NFASC: variants seen among roughly 807,000 people sequenced by gnomAD.
NFASC encodes the protein neurofascin homolog.
NFASC carries 43 observed loss-of-function variants against 147.5 expected under a neutral mutation model. That is an observed-to-expected ratio of 0.29 (90% confidence interval 0.23 to 0.38). The LOEUF (loss-of-function observed/expected upper bound fraction) is 0.38, where lower values mean the gene tolerates loss of function less well. Ranked by LOEUF, NFASC falls within the 10% of genes least tolerant of loss-of-function variation. NFASC has a pLI of 1.00. For synonymous variants in NFASC, 622 were observed against 665.5 expected, an observed-to-expected ratio of 0.93 and a Z score of 1.01; for missense variants, 1,320 against 1,689.0, an observed-to-expected ratio of 0.78 and a Z score of 3.83.
At chr1:204,871,888 C>G (rs569138516) in intron 1 of NFASC, among the ~76,000 whole-genome samples, 215 of 152,280 alleles carry the variant, frequency 1.4e-3, no homozygotes, top group Non-Finnish European at 2.4e-3. Flanking sequence ...TCTTTCATGT[C>G]AAGACAGCTC....
At position 205,015,008 on chromosome 1, in the gene NFASC, A is replaced by T. The variant is rs1166765980; in HGVS notation, c.3492-1300A>T. On this transcript the variant is annotated intron_variant, in intron 29 of 29. Coordinates refer to ENST00000339876, the MANE Select transcript of NFASC (RefSeq NM_001005388.3). The surrounding 1 kb of genome is among the most constrained non-coding windows in gnomAD (Gnocchi z 4.0). The stretch of plus-strand genomic sequence containing the variant: ...CAACCCACGGCTGTCCCACGAATAC[A>T]GTTAGGCTGTATTCGTGGGGCAGCA... Among the ~76,000 whole-genome samples the T allele has an allele frequency of 4.6e-5, 7 of 152,048 alleles. No homozygotes were observed. Among genetic ancestry groups the T allele is most frequent in the Non-Finnish European group, 1.0e-4 (7 of 67,990 alleles).
chr1:204,982,836 G>A (rs543564429), intron 21 of NFASC, among the ~76,000 whole-genome samples: 1 of 152,286 alleles, frequency 6.6e-6, no homozygotes, highest in East Asian at 1.9e-4. Flanking sequence ...CAGAAGGAAG[G>A]GAGGAGGGAC....
chr1:205,012,223 A>G (rs1452154418), intron 28 of NFASC, among the ~76,000 whole-genome samples: 2 of 152,218 alleles, frequency 1.3e-5, no homozygotes, highest in Non-Finnish European at 2.9e-5. Context: ...ATGCTCACAC[A>G]TCACAGAGGA....
At chr1:204,947,564 C>T (rs922931248) in intron 3 of NFASC, among the ~76,000 whole-genome samples, 2 of 152,170 alleles carry the variant, frequency 1.3e-5, no homozygotes, top group Non-Finnish European at 2.9e-5. Context: ...GCCCAGCCTC[C>T]AGCTCCCACT....
rs61819421 is a variant in NFASC, at chr1:204,890,669, C to A, written c.-199-29963C>A. Among the ~76,000 whole-genome samples, 1,034 of 151,904 alleles carry A rather than the reference C, an allele frequency of 6.8e-3. 7 individuals are homozygous for A. The highest frequency in any genetic ancestry group is 0.045 in the Middle Eastern group (13 of 292). On this transcript the variant is annotated intron_variant, in intron 1 of 29. Transcript: ENST00000339876. ...ACTGCAACCTCTGCCTCCCAGGTCC[C>A]AGCTATTCTCCTGCCTCAGCCTCCC... is the stretch of plus-strand genomic sequence containing the variant.
rs1361803756 is a variant in NFASC, at chr1:204,944,207, C to T, written c.-90-19C>T. ...CAAGTTCATGAAAAACTCACTTGCT[C>T]TTATGTTTCTTTCCACAGCTGAGTG... On this transcript the variant is annotated intron_variant, in intron 2 of 29. Transcript: ENST00000339876. 2.3e-5 allele frequency: 35 copies of T among 1,545,002 alleles called. No individual in the cohort carries two copies. The Admixed American group carries it at 6.9e-4, about 30-fold the overall frequency.
At position 204,877,048 on chromosome 1, in the gene NFASC, TAATATATTTATTTA is replaced by T. The variant is rs1558549758; in HGVS notation, c.-199-43583_-199-43570del. 0.015 allele frequency among the ~76,000 whole-genome samples: 1,500 copies of T among 97,508 alleles called. 142 individuals are homozygous for T. In the East Asian group the frequency reaches 0.21, roughly 13 times the overall value. 64.0% of individuals were successfully genotyped at this position (97,508 alleles called of 152,430 possible). A position where few individuals can be genotyped will look rare whatever the true frequency, so the allele number is the denominator to read the frequency against. ...TATATAATATATATTTATATATATA[TAATATATTTATTTA>T]TATATTTATATATATATAATATATT... On this transcript the variant is annotated intron_variant, in intron 1 of 29. Transcript: ENST00000339876.
At chr1:204,900,703 C>T (rs2084374983) in intron 1 of NFASC, among the ~76,000 whole-genome samples, 1 of 152,090 alleles carries the variant, frequency 6.6e-6, no homozygotes. Flanking sequence ...TTTGCAATTT[C>T]AGGTCAGGCA....
At chr1:204,864,554 C>T (rs2076966719) in intron 1 of NFASC, among the ~76,000 whole-genome samples, 1 of 152,180 alleles carries the variant, frequency 6.6e-6, no homozygotes, top group South Asian at 2.1e-4. Context: ...TTGATTATAG[C>T]CATCCTCTAC....
In NFASC at chr1:204,975,259, G is replaced by T; in HGVS notation, c.1559-12G>T. On this transcript the variant is annotated splice_polypyrimidine_tract_variant and intron_variant, in intron 14 of 29. Transcript: ENST00000339876. This position sits in a 1 kb window ranked among gnomAD's most constrained non-coding sequence, Gnocchi z 4.0. ...AACAGGCCAGTGGCGAGTGCTCTGG[G>T]CTTCTCCACAGACCCCACCAGGATC... 3 of 1,604,262 alleles carry T rather than the reference G, an allele frequency of 1.9e-6. No homozygotes were observed. Among genetic ancestry groups the T allele is most frequent in the Non-Finnish European group, 2.6e-6 (3 of 1,173,690 alleles).
chr1:204,989,524 T>C (rs1373953589), intron 23 of NFASC: 1 of 152,322 alleles, frequency 6.6e-6, no homozygotes, highest in East Asian at 1.9e-4. Flanking sequence ...CGCACTGGCA[T>C]CAGGGGAATG....
chr1:205,014,600 T>A (rs1049435495), intron 29 of NFASC, among the ~76,000 whole-genome samples: 2 of 151,968 alleles, frequency 1.3e-5, no homozygotes, highest in Non-Finnish European at 2.9e-5. Flanking sequence ...CCACCCCTAG[T>A]CATTCTAGTT....
At chr1:204,951,937 T>C in intron 4 of NFASC, 74 bp from the exon 5 acceptor site, 1 of 1,230,644 alleles carries the variant, frequency 8.1e-7, no homozygotes, top group South Asian at 1.3e-5. Context: ...AAGCTCTTCA[T>C]CTCAGCTGTT....
chr1:204,902,027 A>T (rs2149204687), intron 1 of NFASC, among the ~76,000 whole-genome samples: 1 of 152,318 alleles, frequency 6.6e-6, no homozygotes, highest in East Asian at 1.9e-4. Flanking sequence ...TCTAAAAAAA[A>T]AGAAGTGTGT....
At chr1:204,857,919 C>CTTTTTT (rs58996261) in intron 1 of NFASC, among the ~76,000 whole-genome samples, 3 of 122,582 alleles carry the variant, frequency 2.4e-5, no homozygotes, top group African/African-American at 6.6e-5. Context: ...TCTTCTTCTT[C>CTTTTTT]TTTTTTTTTT....
intron 1 of NFASC, among the ~76,000 whole-genome samples, chr1:204,879,113 C>T (rs903842637): frequency 6.6e-6 from 1 of 152,184 alleles, no homozygotes; most frequent in African/African-American, 2.4e-5. Context: ...CAAAACAAGT[C>T]TGTGGCCTCT....
At chr1:204,985,173 C>T (rs1455183726) in intron 21 of NFASC, among the ~76,000 whole-genome samples, 2 of 152,162 alleles carry the variant, frequency 1.3e-5, no homozygotes, top group Non-Finnish European at 2.9e-5. Context: ...GAGACACTGG[C>T]GTGGCCAACT....
intron 1 of NFASC, among the ~76,000 whole-genome samples, chr1:204,914,542 C>A (rs966437839): frequency 6.6e-6 from 1 of 152,202 alleles, no homozygotes; most frequent in Admixed American, 6.5e-5. Context: ...TTAGAAATTA[C>A]CCAGTCTTGG....
intron 8 of NFASC, among the ~76,000 whole-genome samples, chr1:204,960,843 C>T (rs2094628026): frequency 2.0e-5 from 3 of 152,206 alleles, no homozygotes; most frequent in Admixed American, 1.3e-4. Flanking sequence ...TTACAACAAA[C>T]CCCATCTTAA....
Sources: allele counts gnomAD v4.1 joint callset (sites outside exome capture counted in the v4.1 genomes callset), GRCh38; gene constraint gnomAD v4.1.1; non-coding constraint Gnocchi (gnomAD v3.1); transcripts MANE v1.5; gene names NCBI Gene and HGNC (gene_info 2026-07-23, HGNC 2026-07-21).